ATG10: variants seen among roughly 807,000 people sequenced by gnomAD.
The protein encoded by ATG10 is ubiquitin-like-conjugating enzyme ATG10.
ATG10 carries 30 observed loss-of-function variants against 32.1 expected under a neutral mutation model. That is an observed-to-expected ratio of 0.94 (90% CI 0.70 to 1.27). The LOEUF is 1.27. Ranked by LOEUF, ATG10 falls within the 50% of genes most tolerant of loss-of-function variation. The pLI is 0.00. For synonymous variants in ATG10, 87 were observed against 91.5 expected (o/e 0.95, Z 0.28); for missense variants, 233 against 262.3 (o/e 0.89, Z 0.77).
chr5:82,053,603 C>G (rs1037724933), intron 2 of ATG10, among the ~76,000 whole-genome samples: 66 of 151,908 alleles, frequency 4.3e-4, no homozygotes, highest in African/African-American at 7.2e-4. Flanking sequence ...TTATTTTGGT[C>G]TTAGGTGAAG....
At chr5:82,168,971 C>T (rs1350674629) in intron 4 of ATG10, among the ~76,000 whole-genome samples, 1 of 152,060 alleles carries the variant, frequency 6.6e-6, no homozygotes, top group Non-Finnish European at 1.5e-5. Context: ...TAGAGGACAG[C>T]CACAGGTTGG....
chr5:82,221,320 T>A lies in ATG10; in HGVS notation c.454-31242T>A, dbSNP rs534556218. Among the ~76,000 whole-genome samples the A allele has an allele frequency of 1.4e-4, 22 of 152,322 alleles. No homozygotes were observed. The South Asian group carries it at 4.6e-3, about 32-fold the overall frequency. On this transcript the variant is annotated intron_variant, in intron 5 of 7. Coordinates refer to ENST00000282185, the MANE Select transcript of ATG10 (RefSeq NM_031482.5). ...AACCTCTTCTACAGTAGGGGCTATA[T>A]TTTGTTTTGTTTTGGGAAACATTCA...
At chr5:82,166,060 A>C (rs1326937463) in intron 4 of ATG10, among the ~76,000 whole-genome samples, 1 of 152,294 alleles carries the variant, frequency 6.6e-6, no homozygotes, top group Middle Eastern at 3.4e-3. Context: ...GGGTCTTGCC[A>C]AGGCCTGCTG....
intron 3 of ATG10, among the ~76,000 whole-genome samples, chr5:82,063,752 A>G (rs984328828): frequency 6.6e-6 from 1 of 152,158 alleles, no homozygotes; most frequent in African/African-American, 2.4e-5. Context: ...TTGGCCTCCC[A>G]AAGTGCTGGG....
rs200236538 is a variant in ATG10 at position 82,139,299 on chromosome 5, G to A, written c.217-25100G>A. 5.2e-3 allele frequency among the ~76,000 whole-genome samples: 779 copies of A among 150,534 alleles called. 43 individuals carry two copies. The East Asian group carries it at 0.13, about 25-fold the overall frequency. On this transcript the variant is annotated intron_variant, in intron 3 of 7. Transcript: ENST00000282185. ...AAGTGAGGAGTGTCTCTGCCTGGCC[G>A]CCCATTGTCTGGGATGTGAGGAGCC...
At position 82,018,651 on chromosome 5, in the gene ATG10, C is replaced by T. The variant is rs186467904; in HGVS notation, c.108+30973C>T. On this transcript the variant is annotated intron_variant, in intron 2 of 7. Coordinates refer to ENST00000282185, the MANE Select transcript of ATG10 (RefSeq NM_031482.5). ...TAAACACTCCAGACAAACACTGCCA[C>T]CCTGGGGCCTCTGAACTGACTGGCC... 4.6e-4 allele frequency among the ~76,000 whole-genome samples: 70 copies of T among 152,324 alleles called. 1 individual carries two copies. In the East Asian group the frequency reaches 0.011, roughly 24 times the overall value.
chr5:81,976,645 G>A (rs1375700385), intron 1 of ATG10, among the ~76,000 whole-genome samples: 1 of 152,114 alleles, frequency 6.6e-6, no homozygotes. Flanking sequence ...TGCTTCTGCC[G>A]TTCACTCTTC....
At chr5:82,222,916 C>G (rs1053774109) in intron 5 of ATG10, among the ~76,000 whole-genome samples, 1 of 152,192 alleles carries the variant, frequency 6.6e-6, no homozygotes, top group Non-Finnish European at 1.5e-5. Context: ...TGATATAGTC[C>G]TAAGAATAGT....
chr5:82,046,938 T>C (rs1210566242), intron 2 of ATG10, among the ~76,000 whole-genome samples: 2 of 151,286 alleles, frequency 1.3e-5, no homozygotes, highest in East Asian at 3.9e-4. Flanking sequence ...TAACTTTAAA[T>C]CCAGAAATCA....
At chr5:82,135,939 C>G (rs1227591240) in intron 3 of ATG10, among the ~76,000 whole-genome samples, 1 of 152,094 alleles carries the variant, frequency 6.6e-6, no homozygotes, top group Non-Finnish European at 1.5e-5. Flanking sequence ...AGTGTTAGCT[C>G]TTCTTGTTGC....
chr5:82,084,238 G>A (rs1408836071), intron 3 of ATG10, among the ~76,000 whole-genome samples: 1 of 152,198 alleles, frequency 6.6e-6, no homozygotes, highest in Non-Finnish European at 1.5e-5. Flanking sequence ...ATCAGTGATT[G>A]AAGATCAAAT....
chr5:82,061,030 C>T (rs1763751861), intron 3 of ATG10, among the ~76,000 whole-genome samples: 2 of 152,168 alleles, frequency 1.3e-5, no homozygotes, highest in Admixed American at 6.5e-5. Context: ...CTCTCACTCC[C>T]TTGAAATCCC....
chr5:82,168,852 G>A (rs1014542460), intron 4 of ATG10, among the ~76,000 whole-genome samples: 1 of 152,178 alleles, frequency 6.6e-6, no homozygotes, highest in Non-Finnish European at 1.5e-5. Flanking sequence ...TGCAATAAGA[G>A]GACATCTTTG....
intron 3 of ATG10, among the ~76,000 whole-genome samples, chr5:82,088,473 G>A (rs919951946): frequency 7.9e-5 from 12 of 152,110 alleles, no homozygotes; most frequent in African/African-American, 2.9e-4. Context: ...TTGAATTAAG[G>A]TGATTGCAGG....
intron 3 of ATG10, among the ~76,000 whole-genome samples, chr5:82,075,041 A>T (rs934698835): frequency 3.3e-5 from 5 of 152,228 alleles, no homozygotes; most frequent in Non-Finnish European, 7.3e-5. Flanking sequence ...GGTGTTGCAC[A>T]GCTTCTTGTG....
At chr5:82,138,905 C>G (rs1198860524) in intron 3 of ATG10, among the ~76,000 whole-genome samples, 7 of 129,878 alleles carry the variant, frequency 5.4e-5, no homozygotes, top group African/African-American at 8.7e-5. Flanking sequence ...CATGCGGAGC[C>G]GAAGCTGGAC....
At chr5:82,190,528 T>A (rs949706918) in intron 5 of ATG10, among the ~76,000 whole-genome samples, 2 of 151,980 alleles carry the variant, frequency 1.3e-5, no homozygotes, top group Non-Finnish European at 2.9e-5. Context: ...ATCCTAGCAC[T>A]TTGGGAGGCC....
At chr5:82,230,399 A>C (rs1746308447) in intron 5 of ATG10, among the ~76,000 whole-genome samples, 1 of 152,226 alleles carries the variant, frequency 6.6e-6, no homozygotes, top group Admixed American at 6.5e-5. Context: ...TAAGGAAATA[A>C]TTCATAAAGA....
chr5:82,157,245 TA>T (rs149180876), intron 3 of ATG10, among the ~76,000 whole-genome samples: 3 of 151,414 alleles, frequency 2.0e-5, no homozygotes, highest in Non-Finnish European at 2.9e-5. Context: ...TACCCCCTTT[TA>T]AAAAAAAATC....
Sources: gnomAD v4.1 joint callset for allele counts (sites outside exome capture counted in the v4.1 genomes callset) on GRCh38, gnomAD v4.1.1 for gene constraint, MANE v1.5 for transcripts, NCBI Gene and HGNC (gene_info 2026-07-23, HGNC 2026-07-21) for gene names.